Variants in CFAP58 observed in about 807,000 individuals in gnomAD.
CFAP58 encodes the protein cilia and flagella associated protein 58.
Under a neutral mutation model 119.5 loss-of-function variants are expected in CFAP58, and 88 were observed. The observed-to-expected ratio is 0.74, with a 90% CI of 0.62 to 0.88. The LOEUF is 0.88. CFAP58 is among the 40% of genes least tolerant of loss of function. The pLI is 0.00. For synonymous variants in CFAP58, 365 were observed against 366.3 expected (o/e 1.00, Z 0.04); for missense variants, 990 against 1,021.2 (o/e 0.97, Z 0.42).
rs533148891 is a variant in CFAP58 at position 104,364,823 on chromosome 10, T to C, written c.531T>C (p.Ala177=). 5 of 1,612,884 alleles carry C rather than the reference T, an allele frequency of 3.1e-6. No homozygotes were observed. The highest frequency in any genetic ancestry group is 2.2e-5 in the East Asian group (1 of 44,800). ...SEVVKLRESL[A]QTTEQQQETE... is the part of the protein sequence containing the mutation. The stretch of plus-strand genomic sequence containing the variant: ...TGGTAAAATTACGAGAATCCCTAGC[T>C]CAGACCACTGAACAGCAGCAGGAAA... The change falls in exon 4 of 18, where the codon GCT becomes GCC. Residue 177 remains alanine (A), a synonymous_variant. Transcript: ENST00000369704.
chr10:104,380,340 G>C (rs1250581922), intron 9 of CFAP58, 120 bp downstream of exon 9: 12 of 979,006 alleles, frequency 1.2e-5, no homozygotes, highest in Non-Finnish European at 1.8e-5. Context: ...TTTGTGTGAA[G>C]ATTTGGGAGG....
At position 104,368,514 on chromosome 10, in the gene CFAP58, G is replaced by A; in HGVS notation, c.884G>A (p.Cys295Tyr). 2 of 1,614,018 alleles carry A rather than the reference G, an allele frequency of 1.2e-6. No individual in the cohort carries two copies. Among genetic ancestry groups the A allele is most frequent in the Admixed American group, 1.7e-5 (1 of 60,006 alleles). The stretch of plus-strand genomic sequence containing the variant: ...GAGAATGAACAGCACAGTTTGGTCT[G>A]TGAGCAGCTATCCCAGGAAAACCAA... ...QQENEQHSLVCEQLSQENQQK... is the reference protein window; with the variant it reads ...QQENEQHSLVYEQLSQENQQK... The change falls in exon 6 of 18, where the codon TGT becomes TAT. Residue 295 changes from cysteine to tyrosine, a missense_variant. Coordinates refer to ENST00000369704, the MANE Select transcript of CFAP58 (RefSeq NM_001008723.2).
intron 1 of CFAP58, among the ~76,000 whole-genome samples, chr10:104,355,699 C>T (rs191141192): frequency 9.2e-5 from 14 of 152,280 alleles, no homozygotes; most frequent in Admixed American, 3.3e-4. Flanking sequence ...GATCAGTTCA[C>T]GTTGATTTCA....
At chr10:104,422,635 A>T (rs1458241153) in intron 15 of CFAP58, among the ~76,000 whole-genome samples, 3 of 152,202 alleles carry the variant, frequency 2.0e-5, no homozygotes, top group South Asian at 2.1e-4. Flanking sequence ...TGGTGCTGGC[A>T]GTTGGCGAGA....
chr10:104,447,620 G>A, intron 15 of CFAP58, 78 bp from the exon 16 acceptor site: 4 of 1,561,256 alleles, frequency 2.6e-6, no homozygotes, highest in Non-Finnish European at 3.5e-6. Flanking sequence ...CCCAAATTGT[G>A]CTGGCCATGC....
At chr10:104,385,741 C>T (rs2011909248) in intron 9 of CFAP58, among the ~76,000 whole-genome samples, 1 of 151,952 alleles carries the variant, frequency 6.6e-6, no homozygotes, top group African/African-American at 2.4e-5. Flanking sequence ...GGAAATGAGC[C>T]CCTGGTCAAG....
intron 9 of CFAP58, among the ~76,000 whole-genome samples, chr10:104,386,182 A>C (rs1231723753): frequency 6.6e-6 from 1 of 151,516 alleles, no homozygotes; most frequent in African/African-American, 2.4e-5. Flanking sequence ...GTTCAAGTCC[A>C]GCCTGGCCAA....
chr10:104,397,170 A>G (rs1057129948), intron 11 of CFAP58, among the ~76,000 whole-genome samples: 2 of 152,230 alleles, frequency 1.3e-5, no homozygotes, highest in African/African-American at 4.8e-5. Flanking sequence ...AAGTTTTATT[A>G]AAGAAAGCAT....
chr10:104,406,276 C>T (rs1489138456), intron 14 of CFAP58, among the ~76,000 whole-genome samples: 4 of 152,136 alleles, frequency 2.6e-5, no homozygotes, highest in Non-Finnish European at 5.9e-5. Flanking sequence ...CTCAGTTGTC[C>T]TATCAGTATA....
chr10:104,357,067 T>C (rs1288707237), intron 1 of CFAP58, among the ~76,000 whole-genome samples: 2 of 152,224 alleles, frequency 1.3e-5, no homozygotes, highest in Non-Finnish European at 2.9e-5. Flanking sequence ...CTTAACTTAT[T>C]AAATGACTCT....
the CFAP58 span, among the ~76,000 whole-genome samples, chr10:104,344,345 C>T: frequency 1.3e-5 from 2 of 152,184 alleles, no homozygotes; most frequent in African/African-American, 4.8e-5. Flanking sequence ...TAATCTATGC[C>T]AGGCATTGTC....
At chr10:104,426,647 G>A (rs1034908548) in intron 15 of CFAP58, among the ~76,000 whole-genome samples, 2 of 152,038 alleles carry the variant, frequency 1.3e-5, no homozygotes, top group Non-Finnish European at 2.9e-5. Flanking sequence ...TAATCCTTTC[G>A]TTCCATTTCA....
intron 13 of CFAP58, among the ~76,000 whole-genome samples, chr10:104,402,613 G>T (rs1392627403): frequency 6.6e-6 from 1 of 152,182 alleles, no homozygotes; most frequent in African/African-American, 2.4e-5. Flanking sequence ...GAGGATGGCT[G>T]TCACATATTA....
At chr10:104,408,678 T>G (rs2012405883) in intron 15 of CFAP58, among the ~76,000 whole-genome samples, 1 of 152,228 alleles carries the variant, frequency 6.6e-6, no homozygotes, top group African/African-American at 2.4e-5. Flanking sequence ...CTAACTTTAT[T>G]ATTTCCTTCC....
At chr10:104,408,295 A>G (rs1485680112) in intron 15 of CFAP58, among the ~76,000 whole-genome samples, 1 of 152,246 alleles carries the variant, frequency 6.6e-6, no homozygotes, top group Admixed American at 6.5e-5. Context: ...AGAATTACAT[A>G]CATTGTACAA....
rs766303918 is a variant in CFAP58, at chr10:104,454,495, G to T, written c.2584G>T (p.Gly862Ter). 64 of 1,613,654 alleles carry T rather than the reference G, an allele frequency of 4.0e-5. No individual in the cohort carries two copies. The highest frequency in any genetic ancestry group is 5.2e-5 in the Non-Finnish European group (61 of 1,179,806). ...KPNGPGFTGG[G>*]FPLRSTKMTF Reference sequence around the variant, plus strand: ...AAATGGTCCTGGTTTTACTGGGGGCGGATTTCCTCTCAGGTCAACCAAAAT... The same window carrying T: ...AAATGGTCCTGGTTTTACTGGGGGCTGATTTCCTCTCAGGTCAACCAAAAT... The change falls in exon 18 of 18, where the codon GGA (glycine) becomes TGA (stop). Residue 862 changes from glycine (G) to a stop codon, truncating the protein, a stop_gained. Coordinates refer to ENST00000369704, the MANE Select transcript of CFAP58 (RefSeq NM_001008723.2). LOFTEE classifies it high-confidence loss of function.
chr10:104,402,693 T>A (rs2012287025), intron 13 of CFAP58, among the ~76,000 whole-genome samples: 1 of 152,204 alleles, frequency 6.6e-6, no homozygotes. Context: ...CAGGACTTTT[T>A]TAGCCATCTG....
intron 15 of CFAP58, 96 bp from the exon 16 acceptor site, chr10:104,447,602 G>A: frequency 6.8e-7 from 1 of 1,462,258 alleles, no homozygotes; most frequent in Non-Finnish European, 9.4e-7. Context: ...GAAGTAGCTT[G>A]GGCCACTCCC....
intron 4 of CFAP58, among the ~76,000 whole-genome samples, chr10:104,365,499 C>T (rs950727791): frequency 2.0e-5 from 3 of 152,176 alleles, no homozygotes; most frequent in South Asian, 2.1e-4. Flanking sequence ...TGATAAAGAA[C>T]GGGATGAATT....
Sources: gnomAD v4.1 joint callset for allele counts (sites outside exome capture counted in the v4.1 genomes callset) on GRCh38, gnomAD v4.1.1 for gene constraint, MANE v1.5 for transcripts, NCBI Gene and HGNC (gene_info 2026-07-23, HGNC 2026-07-21) for gene names.